The following DOCK1 variants were observed in gnomAD, a reference collection of about 807,000 sequenced individuals.
DOCK1 encodes the protein dedicator of cytokinesis protein 1.
Under a neutral mutation model 262.7 loss-of-function variants are expected in DOCK1, and 138 were observed. The ratio of observed to expected loss-of-function variants is 0.53; its 90% CI spans 0.46 to 0.61. The LOEUF (loss-of-function observed/expected upper bound fraction) is 0.61, where lower values mean the gene tolerates loss of function less well. Among genes scored for constraint, DOCK1 ranks in the 20% least tolerant of loss-of-function variants. The pLI, the probability that DOCK1 is intolerant of heterozygous loss-of-function variation, is 0.00. For missense variants in DOCK1, 1,908 were observed against 2,370.7 expected (o/e 0.80, Z 4.05); for synonymous variants, 866 against 867.4 (o/e 1.00, Z 0.03).
At chr10:127,024,262 G>C (rs1216450895) in intron 14 of DOCK1, among the ~76,000 whole-genome samples, 2 of 152,198 alleles carry the variant, frequency 1.3e-5, no homozygotes, top group Non-Finnish European at 2.9e-5. Context: ...CATAGGTGCT[G>C]CCCTTGCCAC....
At chr10:126,997,757 G>A in intron 7 of DOCK1, 1 of 278,520 alleles carries the variant, frequency 3.6e-6, no homozygotes. Context: ...TGATACATGA[G>A]ACAGATGTCC....
chr10:126,969,921 T>C (rs183813912), intron 1 of DOCK1, among the ~76,000 whole-genome samples: 2 of 152,296 alleles, frequency 1.3e-5, no homozygotes, highest in Admixed American at 1.3e-4. Flanking sequence ...GATCCGCGAT[T>C]TTGAAGATGA....
chr10:126,933,198 A>G (rs2034310957), intron 1 of DOCK1, among the ~76,000 whole-genome samples: 1 of 152,156 alleles, frequency 6.6e-6, no homozygotes, highest in African/African-American at 2.4e-5. Context: ...TTGAGGTGAA[A>G]GTACAACTTT....
intron 27 of DOCK1, among the ~76,000 whole-genome samples, chr10:127,209,002 C>T (rs958596725): frequency 1.5e-4 from 23 of 152,088 alleles, no homozygotes; most frequent in African/African-American, 5.6e-4. Flanking sequence ...TTTTTGTTTA[C>T]CTAGCGATGA....
intron 29 of DOCK1, among the ~76,000 whole-genome samples, chr10:127,305,316 TG>T (rs2061834019): frequency 6.6e-6 from 1 of 152,178 alleles, no homozygotes; most frequent in East Asian, 1.9e-4. Context: ...TTGTGCACTC[TG>T]ATGAGTCGGG....
At chr10:127,441,963 C>T (rs1457147935) in intron 49 of DOCK1, among the ~76,000 whole-genome samples, 1 of 152,086 alleles carries the variant, frequency 6.6e-6, no homozygotes, top group African/African-American at 2.4e-5. Flanking sequence ...AGGAGAAGCA[C>T]CTTAGGAGAC....
At chr10:127,369,296 A>G (rs987499367) in intron 33 of DOCK1, among the ~76,000 whole-genome samples, 1 of 152,092 alleles carries the variant, frequency 6.6e-6, no homozygotes, top group Non-Finnish European at 1.5e-5. Flanking sequence ...TGGTTTGTTT[A>G]TTTTTGCTTT....
intron 1 of DOCK1, among the ~76,000 whole-genome samples, chr10:126,921,454 A>G (rs2033188708): frequency 6.6e-6 from 1 of 152,178 alleles, no homozygotes; most frequent in African/African-American, 2.4e-5. Context: ...GACATACATG[A>G]TTCTATTAAT....
rs191237905 is a variant in DOCK1 at position 126,915,027 on chromosome 10, C to G, written c.46+9464C>G. 9.5e-4 allele frequency among the ~76,000 whole-genome samples: 145 copies of G among 152,200 alleles called. 1 individual carries two copies. The highest frequency in any genetic ancestry group is 3.3e-3 in the African/African-American group (138 of 41,520). Reference sequence around the variant, plus strand: ...ATCCCTTCTGCTCACATTTTCTCACCGTGACCTGAGTCTCTGGTCAGACCT... The same window carrying G: ...ATCCCTTCTGCTCACATTTTCTCACGGTGACCTGAGTCTCTGGTCAGACCT... On this transcript the variant is annotated intron_variant, in intron 1 of 51. Transcript: ENST00000623213.
chr10:127,074,317 A>G (rs1383579209), intron 23 of DOCK1, among the ~76,000 whole-genome samples: 1 of 152,240 alleles, frequency 6.6e-6, no homozygotes, highest in Non-Finnish European at 1.5e-5. Flanking sequence ...GCCCAGGAAC[A>G]GAGGGGTCCT....
chr10:127,196,599 G>A (rs1166350489), intron 27 of DOCK1, among the ~76,000 whole-genome samples: 1 of 146,160 alleles, frequency 6.8e-6, no homozygotes, highest in African/African-American at 2.5e-5. Context: ...CCCGGGCCCC[G>A]CGGGGCGGAG....
intron 29 of DOCK1, among the ~76,000 whole-genome samples, chr10:127,318,165 G>A (rs745926054): frequency 6.6e-6 from 1 of 152,206 alleles, no homozygotes; most frequent in Non-Finnish European, 1.5e-5. Context: ...TATTTTCGTT[G>A]CAAAATTTGT....
At chr10:127,080,412 A>G (rs544969725) in intron 23 of DOCK1, among the ~76,000 whole-genome samples, 4 of 152,128 alleles carry the variant, frequency 2.6e-5, no homozygotes, top group African/African-American at 9.6e-5. Flanking sequence ...GTCCCCTCCC[A>G]TAGCCGACCC....
chr10:126,948,771 AT>A (rs1324653796), intron 1 of DOCK1, among the ~76,000 whole-genome samples: 2 of 151,950 alleles, frequency 1.3e-5, no homozygotes, highest in African/African-American at 4.8e-5. Context: ...CCCTGGAATC[AT>A]TGTGAGCTGC....
intron 1 of DOCK1, among the ~76,000 whole-genome samples, chr10:126,923,766 A>G (rs1031388008): frequency 3.9e-5 from 6 of 152,116 alleles, no homozygotes; most frequent in African/African-American, 1.4e-4. Flanking sequence ...AAACCTAATC[A>G]CCAAGGTGAT....
chr10:127,303,522 T>TA (rs971195315), intron 29 of DOCK1, among the ~76,000 whole-genome samples: 1 of 150,696 alleles, frequency 6.6e-6, no homozygotes, highest in Non-Finnish European at 1.5e-5. Context: ...GTTAAACACT[T>TA]AAAAAAAAGA....
chr10:127,408,686 C>T (rs1325579893), intron 40 of DOCK1, among the ~76,000 whole-genome samples: 2 of 152,148 alleles, frequency 1.3e-5, no homozygotes, highest in African/African-American at 4.8e-5. Context: ...GCTGCCTTGC[C>T]CCCTTCTAAC....
chr10:126,990,140 C>T (rs915266049), intron 5 of DOCK1, among the ~76,000 whole-genome samples: 1 of 152,176 alleles, frequency 6.6e-6, no homozygotes, highest in Non-Finnish European at 1.5e-5. Context: ...AGGAAGCTCA[C>T]GAGCAGGTGT....
chr10:127,283,189 C>T (rs2061024179), intron 29 of DOCK1, among the ~76,000 whole-genome samples: 1 of 152,254 alleles, frequency 6.6e-6, no homozygotes, highest in African/African-American at 2.4e-5. Context: ...ACCATCAATT[C>T]TGTTTCCCAG....
Sources: gnomAD v4.1 joint callset for allele counts (sites outside exome capture counted in the v4.1 genomes callset) on GRCh38, gnomAD v4.1.1 for gene constraint, MANE v1.5 for transcripts, NCBI Gene and HGNC (gene_info 2026-07-23, HGNC 2026-07-21) for gene names.